Variants in UNC93A observed in about 807,000 individuals in gnomAD.
The protein encoded by UNC93A is unc-93 homolog A, also known as N-acetylglucosamine transporter UNC93A.
Under a neutral mutation model 47.5 loss-of-function variants are expected in UNC93A, and 43 were observed. The ratio of observed to expected loss-of-function variants is 0.91; its 90% CI spans 0.71 to 1.17. The LOEUF (loss-of-function observed/expected upper bound fraction) is 1.17, where lower values mean the gene tolerates loss of function less well. Among genes scored for constraint, UNC93A ranks in the 50% most tolerant of loss-of-function variants. The pLI is 0.00. For synonymous variants in UNC93A, 280 were observed against 258.0 expected (o/e 1.09, Z -0.82); for missense variants, 605 against 577.6 (o/e 1.05, Z -0.49).
chr6:167,275,677 G>C (rs1268725657), intron 1 of UNC93A, among the ~76,000 whole-genome samples: 1 of 152,232 alleles, frequency 6.6e-6, no homozygotes, highest in Admixed American at 6.5e-5. Flanking sequence ...GGACCAGCAG[G>C]TTCTGCCCAG....
intron 7 of UNC93A, among the ~76,000 whole-genome samples, chr6:167,308,749 G>A (rs549058989): frequency 1.1e-4 from 16 of 152,224 alleles, no homozygotes; most frequent in African/African-American, 3.1e-4. Context: ...GCAGCAGAAA[G>A]CGCTGACACC....
In UNC93A at chr6:167,295,379, G is replaced by GGCCTCCCTCGTGCTCCTC. The variant is rs1222873545; in HGVS notation, c.270-622_270-605dup. 8.9e-4 allele frequency among the ~76,000 whole-genome samples: 134 copies of GGCCTCCCTCGTGCTCCTC among 150,146 alleles called. 7 individuals carry two copies. Among genetic ancestry groups the GGCCTCCCTCGTGCTCCTC allele is most frequent in the South Asian group, 1.9e-3 (9 of 4,730 alleles). On this transcript the variant is annotated intron_variant, in intron 2 of 7. Coordinates refer to ENST00000230256, the MANE Select transcript of UNC93A (RefSeq NM_018974.4). ...GTCTTTTTAACCGGGGCTGTCCCTC[G>GGCCTCCCTCGTGCTCCTC]GCCTCCCTCGTGCTCCTCGCCTCCC...
chr6:167,270,075 G>C (rs185086240), upstream of UNC93A, among the ~76,000 whole-genome samples: 2,418 of 148,042 alleles, frequency 0.016, 40 homozygotes, highest in East Asian at 0.065. Flanking sequence ...GGGGGGGGGC[G>C]TTCACATGGT....
chr6:167,300,302 T>C (rs1418428935), intron 4 of UNC93A, among the ~76,000 whole-genome samples: 1 of 151,536 alleles, frequency 6.6e-6, no homozygotes, highest in Admixed American at 6.6e-5. Flanking sequence ...GAGAAGGGAG[T>C]ATAGCTGGAC....
In UNC93A at chr6:167,285,976, A is replaced by ATT. The variant is rs1554237634; in HGVS notation, c.-51-5462_-51-5461insTT. On this transcript the variant is annotated intron_variant, in intron 1 of 3. Coordinates refer to the UNC93A transcript ENST00000503433. ...TCTCTCTCTCTATATATATATATAT[A>ATT]TATACACACACACACACAATGAGCC... Among the ~76,000 whole-genome samples, 12 of 148,446 alleles carry ATT rather than the reference A, an allele frequency of 8.1e-5. 1 individual carries two copies. In the East Asian group the frequency reaches 1.0e-3, roughly 12 times the overall value.
intron 1 of UNC93A, among the ~76,000 whole-genome samples, chr6:167,286,308 A>G (rs1783731531): frequency 6.6e-6 from 1 of 152,220 alleles, no homozygotes; most frequent in African/African-American, 2.4e-5. Flanking sequence ...AGAGACCCAC[A>G]CTGCACATAC....
chr6:167,283,019 G>A (rs1167710394), intron 1 of UNC93A, among the ~76,000 whole-genome samples: 2 of 152,182 alleles, frequency 1.3e-5, no homozygotes, highest in Non-Finnish European at 2.9e-5. Flanking sequence ...AAGTCTCATA[G>A]GTGGTACCCT....
intron 1 of UNC93A, 131 bp downstream of exon 1, chr6:167,291,707 T>C (rs1783845266): frequency 3.6e-6 from 3 of 836,598 alleles, no homozygotes; most frequent in Non-Finnish European, 3.7e-6. Flanking sequence ...CTGTACCAAA[T>C]CCTCTAAAAC....
chr6:167,312,281 TC>T (rs1207588185), intron 7 of UNC93A, among the ~76,000 whole-genome samples: 6 of 151,170 alleles, frequency 4.0e-5, no homozygotes, highest in Non-Finnish European at 7.4e-5. Context: ...TTAACCTTGA[TC>T]CCGTTGGCTC....
rs112580447 is a variant in UNC93A at position 167,315,296 on chromosome 6, C to G, written c.1218C>G (p.Cys406Trp). The G allele has an allele frequency of 6.2e-7, 1 of 1,613,478 alleles. No homozygotes were observed. The highest frequency in any genetic ancestry group is 1.7e-5 in the Admixed American group (1 of 59,958). Residue 406 changes from cysteine to tryptophan, a missense_variant, in exon 8 of 8, where the codon TGC becomes TGG. Cys to Trp is a radical substitution (Grantham distance 215). Transcript: ENST00000230256. Reference protein sequence around the residue: ...VIAFGYSMFLCVHVKLYILLG... With the variant: ...VIAFGYSMFLWVHVKLYILLG... ...CCTTCGGGTACAGCATGTTTTTGTGCGTGCACGTCAAGCTCTACATTCTGC... is the reference window on the plus strand; with the variant it reads ...CCTTCGGGTACAGCATGTTTTTGTGGGTGCACGTCAAGCTCTACATTCTGC...
intron 1 of UNC93A, among the ~76,000 whole-genome samples, chr6:167,278,747 A>C (rs916271036): frequency 6.6e-6 from 1 of 151,670 alleles, no homozygotes; most frequent in African/African-American, 2.4e-5. Context: ...GCTGCACTGC[A>C]GACAGACGCT....
intron 4 of UNC93A, among the ~76,000 whole-genome samples, chr6:167,300,815 C>T (rs1475180053): frequency 1.3e-5 from 2 of 152,204 alleles, no homozygotes; most frequent in Non-Finnish European, 1.5e-5. Context: ...ATCAGGTCTC[C>T]TTCCAGCTCC....
At chr6:167,293,438 C>A (rs376387798) in intron 1 of UNC93A, among the ~76,000 whole-genome samples, 3 of 152,164 alleles carry the variant, frequency 2.0e-5, no homozygotes, top group Non-Finnish European at 2.9e-5. Flanking sequence ...CTTGAGCATG[C>A]GGACGTGCTT....
At chr6:167,286,407 A>G (rs1279130669), upstream of UNC93A, among the ~76,000 whole-genome samples, 1 of 152,238 alleles carries the variant, frequency 6.6e-6, no homozygotes, top group Non-Finnish European at 1.5e-5. Flanking sequence ...TCGTAGCTGG[A>G]AACAAACGGG....
chr6:167,299,118 A>C (rs1778169162), intron 4 of UNC93A, among the ~76,000 whole-genome samples: 1 of 86,082 alleles, frequency 1.2e-5, no homozygotes, highest in Non-Finnish European at 2.2e-5. Context: ...ACTCCATCTC[A>C]AAAAAAAAAA....
intron 1 of UNC93A, among the ~76,000 whole-genome samples, chr6:167,280,762 A>C (rs1375760793): frequency 6.6e-6 from 1 of 152,192 alleles, no homozygotes; most frequent in Non-Finnish European, 1.5e-5. Context: ...CTGGAATGAA[A>C]CTAGGGAAAA....
chr6:167,291,307 C>A, upstream of UNC93A: 1 of 506,384 alleles, frequency 2.0e-6, no homozygotes, highest in Non-Finnish European at 3.4e-6. Flanking sequence ...TCAGTGATAA[C>A]CAAGTTCATT....
At chr6:167,274,277 T>C (rs1783501387) in intron 1 of UNC93A, among the ~76,000 whole-genome samples, 1 of 152,102 alleles carries the variant, frequency 6.6e-6, no homozygotes, top group African/African-American at 2.4e-5. Context: ...AGGTCAGAGT[T>C]TAGTCCTCAA....
intron 2 of UNC93A, 80 bp from the exon 3 acceptor site, chr6:167,295,952 T>G: frequency 1.5e-6 from 2 of 1,357,450 alleles, no homozygotes; most frequent in East Asian, 2.4e-5. Flanking sequence ...TCTCCCAGAT[T>G]GACTAAAGAA....
Sources: gnomAD v4.1 joint callset for allele counts (sites outside exome capture counted in the v4.1 genomes callset) on GRCh38, gnomAD v4.1.1 for gene constraint, MANE v1.5 for transcripts, NCBI Gene and HGNC (gene_info 2026-07-23, HGNC 2026-07-21) for gene names.